Variants in CILK1 observed in about 807,000 individuals in gnomAD.
CILK1 encodes serine/threonine-protein kinase ICK.
In CILK1, 47 loss-of-function variants were observed where a neutral mutation model predicts 79.2. The ratio of observed to expected loss-of-function variants is 0.59; its 90% confidence interval spans 0.47 to 0.76. The LOEUF is 0.76. Among genes scored for constraint, CILK1 ranks in the 30% least tolerant of loss-of-function variants. The pLI, the probability that CILK1 is intolerant of heterozygous loss-of-function variation, is 0.00. For missense variants in CILK1, 660 were observed against 769.5 expected, an observed-to-expected ratio of 0.86 and a Z score of 1.68; for synonymous variants, 266 against 275.9, an observed-to-expected ratio of 0.96 and a Z score of 0.36.
At chr6:53,030,918 T>C (rs1689862380) in intron 5 of CILK1, 147 bp downstream of exon 5, 2 of 662,060 alleles carry the variant, frequency 3.0e-6, no homozygotes, top group East Asian at 2.8e-5. Context: ...TTATAAAAGT[T>C]AATATATTTT....
At position 53,006,333 on chromosome 6, in the gene CILK1, T is replaced by C. The variant is rs149415241; in HGVS notation, c.1726A>G (p.Ile576Val). The change falls in exon 13 of 14, where the codon ATT becomes GTT. Residue 576 changes from isoleucine (I) to valine (V), a missense_variant. Transcript: ENST00000676107. ...AACTCACCAGGGGAAGGGTCTGGAA[T>C]AGGTGCTAGGTGTACCCTCTGCATA... ...SAMQRVHLAP[I>V]PDPSPGYSSL... The C allele has an allele frequency of 6.2e-7, 1 of 1,613,890 alleles. No individual in the cohort carries two copies. Among genetic ancestry groups the C allele is most frequent in the Non-Finnish European group, 8.5e-7 (1 of 1,179,824 alleles).
At chr6:53,041,062 T>C (rs1766674238) in intron 2 of CILK1, 74 bp downstream of exon 2, 1 of 1,013,956 alleles carries the variant, frequency 9.9e-7, no homozygotes, top group African/African-American at 1.6e-5. Context: ...CCACTCCCCT[T>C]TAGAACTGTT....
intron 5 of CILK1, among the ~76,000 whole-genome samples, chr6:53,026,650 G>C (rs375403444): frequency 1.3e-5 from 2 of 152,116 alleles, no homozygotes; most frequent in Non-Finnish European, 2.9e-5. Flanking sequence ...ACTCTGATTC[G>C]TAGCAGGGTT....
chr6:53,059,752 A>G (rs1375381114), intron 1 of CILK1, among the ~76,000 whole-genome samples: 2 of 152,268 alleles, frequency 1.3e-5, no homozygotes, highest in African/African-American at 2.4e-5. Context: ...GACTTGAGAT[A>G]GTACATAATG....
At chr6:53,029,801 T>C (rs985064004) in intron 5 of CILK1, among the ~76,000 whole-genome samples, 2 of 152,234 alleles carry the variant, frequency 1.3e-5, no homozygotes, top group Non-Finnish European at 2.9e-5. Flanking sequence ...ATAAAACTTA[T>C]TTGTTGGTGC....
At chr6:53,014,099 A>C in intron 8 of CILK1, 117 bp from the exon 9 acceptor site, 1 of 814,172 alleles carries the variant, frequency 1.2e-6, no homozygotes, top group Non-Finnish European at 2.1e-6. Flanking sequence ...GCCCAATTAG[A>C]AAACAGTACC....
At chr6:53,031,711 C>T (rs1288667812) in intron 4 of CILK1, among the ~76,000 whole-genome samples, 2 of 152,198 alleles carry the variant, frequency 1.3e-5, no homozygotes, top group African/African-American at 4.8e-5. Context: ...TAGAACTTTT[C>T]AACAGAGGTC....
At chr6:53,021,983 G>A (rs1765273739) in intron 5 of CILK1, among the ~76,000 whole-genome samples, 2 of 151,892 alleles carry the variant, frequency 1.3e-5, no homozygotes, top group Admixed American at 1.3e-4. Context: ...GTAGGCCTAG[G>A]CTAATGTGTG....
intron 8 of CILK1, among the ~76,000 whole-genome samples, chr6:53,014,408 A>G (rs1289308294): frequency 6.6e-6 from 1 of 152,262 alleles, no homozygotes; most frequent in Non-Finnish European, 1.5e-5. Context: ...AGAATTGAGT[A>G]CAAAATAAGC....
intron 1 of CILK1, among the ~76,000 whole-genome samples, chr6:53,057,417 C>G (rs1237430361): frequency 6.6e-6 from 1 of 152,160 alleles, no homozygotes; most frequent in African/African-American, 2.4e-5. Context: ...AAGCAAGGCA[C>G]TATTGTGGCC....
At chr6:53,028,110 G>A (rs1407422133) in intron 5 of CILK1, among the ~76,000 whole-genome samples, 1 of 139,276 alleles carries the variant, frequency 7.2e-6, no homozygotes, top group Non-Finnish European at 1.5e-5. Context: ...TCGCGCCACT[G>A]CACTCCAGCC....
chr6:53,005,722 G>A (rs989547534), intron 13 of CILK1, among the ~76,000 whole-genome samples: 1 of 152,168 alleles, frequency 6.6e-6, no homozygotes, highest in South Asian at 2.1e-4. Flanking sequence ...ACAGCAGCTT[G>A]AGGGAGCCTG....
intron 8 of CILK1, 59 bp downstream of exon 8, chr6:53,016,024 A>C (rs774195878): frequency 2.0e-6 from 3 of 1,511,032 alleles, no homozygotes; most frequent in Non-Finnish European, 2.8e-6. Context: ...TTCCTGTGCA[A>C]TTCATAGAAA....
At chr6:53,016,057 G>A (rs1421278288) in intron 8 of CILK1, 26 bp downstream of exon 8, 32 of 1,609,186 alleles carry the variant, frequency 2.0e-5, no homozygotes, top group South Asian at 5.5e-5. Flanking sequence ...AGATATGAAC[G>A]TTATAACAAG....
At chr6:53,023,396 T>G (rs1275328269) in intron 5 of CILK1, among the ~76,000 whole-genome samples, 1 of 152,114 alleles carries the variant, frequency 6.6e-6, no homozygotes, top group African/African-American at 2.4e-5. Context: ...CAGCTTAATG[T>G]TAACACATCT....
intron 1 of CILK1, among the ~76,000 whole-genome samples, chr6:53,056,225 G>A (rs1767859814): frequency 6.6e-6 from 1 of 152,194 alleles, no homozygotes; most frequent in Non-Finnish European, 1.5e-5. Context: ...TGACTAAGGA[G>A]CTGATCTCAG....
chr6:53,044,221 G>C (rs887884997), intron 1 of CILK1, among the ~76,000 whole-genome samples: 1 of 152,166 alleles, frequency 6.6e-6, no homozygotes, highest in African/African-American at 2.4e-5. Flanking sequence ...GGGTGAGTGA[G>C]CATTACTGCC....
chr6:53,025,423 C>T (rs750490260), intron 5 of CILK1, among the ~76,000 whole-genome samples: 19 of 152,154 alleles, frequency 1.2e-4, no homozygotes, highest in South Asian at 4.1e-4. Context: ...CTCCAGACCT[C>T]GTTCTTTGTT....
At chr6:53,046,624 G>A (rs1767093689) in intron 1 of CILK1, among the ~76,000 whole-genome samples, 1 of 152,112 alleles carries the variant, frequency 6.6e-6, no homozygotes, top group Non-Finnish European at 1.5e-5. Flanking sequence ...TGCTACTTCA[G>A]GTAATTACCT....
Sources: allele counts gnomAD v4.1 joint callset (sites outside exome capture counted in the v4.1 genomes callset), GRCh38; gene constraint gnomAD v4.1.1; transcripts MANE v1.5; gene names NCBI Gene and HGNC (gene_info 2026-07-23, HGNC 2026-07-21).